LPIN2: variants seen among roughly 807,000 people sequenced by gnomAD.
LPIN2 encodes the protein lipin 2.
In LPIN2, 55 loss-of-function variants were observed where a neutral mutation model predicts 111.4. The ratio of observed to expected loss-of-function variants is 0.49; its 90% CI spans 0.40 to 0.62. The LOEUF is 0.62. Ranked by LOEUF, LPIN2 falls within the 20% of genes least tolerant of loss-of-function variation. The pLI is 0.00. For synonymous variants in LPIN2, 425 were observed against 414.0 expected (o/e 1.03, Z -0.32); for missense variants, 992 against 1,112.1 (o/e 0.89, Z 1.54).
intron 4 of LPIN2, chr18:2,950,653 C>A (rs558281810): frequency 3.9e-6 from 1 of 255,972 alleles, no homozygotes; most frequent in South Asian, 5.0e-5. Context: ...CATTCCTTTT[C>A]AATTCCAATA....
intron 1 of LPIN2, chr18:2,978,879 A>G (rs2078062650): frequency 6.6e-6 from 1 of 152,210 alleles, no homozygotes; most frequent in African/African-American, 2.4e-5. Context: ...TGATCAGGCC[A>G]CCCCATCTGC....
Position 2,937,863 on chromosome 18 carries a change from C to G in LPIN2, c.997G>C (p.Gly333Arg), listed in dbSNP as rs531715581. Reference sequence around the variant, plus strand: ...GATGTTGGGTCGCTCATCTGTGTACCCAGGGCTCTGGGTTTGGGCTTCACT... The same window carrying G: ...GATGTTGGGTCGCTCATCTGTGTACGCAGGGCTCTGGGTTTGGGCTTCACT... ...TIVKPKPRALGTQMSDPTSVA... is the reference protein window; with the variant it reads ...TIVKPKPRALRTQMSDPTSVA... The change falls in exon 7 of 20, where the codon GGT (glycine) becomes CGT (arginine). Residue 333 changes from glycine to arginine, a missense_variant. Physicochemically the swap from Gly to Arg is moderately radical, Grantham distance 125. Transcript: ENST00000677752. 3 of 1,614,036 alleles carry G rather than the reference C, an allele frequency of 1.9e-6. No individual in the cohort carries two copies. The African/African-American group carries it at 4.0e-5, about 22-fold the overall frequency.
chr18:2,921,636 T>C lies in LPIN2; in HGVS notation c.2339A>G (p.Glu780Gly), dbSNP rs1455087496. The change falls in exon 18 of 20, where the codon GAA (glutamate) becomes GGA (glycine). Residue 780 changes from glutamate (E) to glycine (G), a missense_variant. By Grantham distance (98) the Glu-to-Gly change is moderately conservative. Around this residue, in one of 4 missense-constraint regions of LPIN2, gnomAD observed 185 missense variants for 186.5 expected, o/e 0.99. Coordinates refer to ENST00000677752, the MANE Select transcript of LPIN2 (RefSeq NM_001375808.2). ...AATTTTGAACTTCTCTGGTTTCTTT[T>C]CTATCACTTCTCTAAGAAAAAAATA... Reference protein sequence around the residue: ...LFSAFHREVIEKKPEKFKIEC... With the variant: ...LFSAFHREVIGKKPEKFKIEC... 1 of 1,600,922 alleles carries C rather than the reference T, an allele frequency of 6.2e-7. No homozygotes were observed. Among genetic ancestry groups the C allele is most frequent in the Non-Finnish European group, 8.6e-7 (1 of 1,168,090 alleles).
chr18:2,996,447 C>G (rs951745862), intron 1 of LPIN2, among the ~76,000 whole-genome samples: 6 of 149,478 alleles, frequency 4.0e-5, no homozygotes, highest in African/African-American at 1.5e-4. Context: ...TGACTACATG[C>G]TTACCTCCCA....
intron 4 of LPIN2, chr18:2,946,449 C>T (rs770530654): frequency 8.1e-5 from 117 of 1,436,226 alleles, no homozygotes; most frequent in Non-Finnish European, 6.4e-5. Context: ...AAGACTGGAA[C>T]GCCTGGGTGA....
intron 7 of LPIN2, among the ~76,000 whole-genome samples, chr18:2,936,769 A>C (rs1282846461): frequency 6.6e-6 from 1 of 152,078 alleles, no homozygotes; most frequent in African/African-American, 2.4e-5. Context: ...TGATAGAGAC[A>C]GGGTTTCACT....
intron 1 of LPIN2, among the ~76,000 whole-genome samples, chr18:2,989,415 T>C (rs535868655): frequency 6.6e-5 from 10 of 151,762 alleles, no homozygotes; most frequent in Non-Finnish European, 1.3e-4. Flanking sequence ...CCTCAGTAAA[T>C]AGAAAGACAT....
chr18:2,922,284 CTT>C, intron 16 of LPIN2, 85 bp from the exon 17 acceptor site: 3 of 1,499,600 alleles, frequency 2.0e-6, no homozygotes, highest in Non-Finnish European at 2.7e-6. Context: ...CCACACTTTT[CTT>C]TCTTTTTTTT....
chr18:2,980,670 G>A (rs1388771140), intron 1 of LPIN2, among the ~76,000 whole-genome samples: 1 of 152,188 alleles, frequency 6.6e-6, no homozygotes, highest in Non-Finnish European at 1.5e-5. Flanking sequence ...TGCCCTCAGG[G>A]CTTCCTGGAG....
chr18:2,956,036 T>A (rs896273608), intron 2 of LPIN2, among the ~76,000 whole-genome samples: 1 of 152,218 alleles, frequency 6.6e-6, no homozygotes, highest in Admixed American at 6.5e-5. Context: ...GTATTTTGAC[T>A]TGTATTATAA....
intron 1 of LPIN2, chr18:2,982,597 C>T (rs2078127929): frequency 1.7e-6 from 1 of 577,548 alleles, no homozygotes; most frequent in African/African-American, 2.0e-5. Flanking sequence ...GATGCCATCC[C>T]CTTGTCTCTC....
At position 2,929,123 on chromosome 18, in the gene LPIN2, A is replaced by G. The variant is rs876660986; in HGVS notation, c.1492T>C (p.Phe498Leu). The G allele has an allele frequency of 1.2e-6, 2 of 1,608,510 alleles. No individual in the cohort carries two copies. Among genetic ancestry groups the G allele is most frequent in the Non-Finnish European group, 1.7e-6 (2 of 1,175,220 alleles). The change falls in exon 10 of 20, where the codon TTT becomes CTT. Residue 498 changes from phenylalanine (F) to leucine (L), a missense_variant. This residue lies in a region of LPIN2 where 709 missense variants were observed against 753.2 expected (regional missense o/e 0.94). Coordinates refer to ENST00000677752, the MANE Select transcript of LPIN2 (RefSeq NM_001375808.2). ...TCTATAAGTCCAGGGTTTTCTGCAA[A>G]TTCGTGATAAGTAATGATATGCTCC... ...FMEHIITYHEFAENPGLIDNP... is the reference protein window; with the variant it reads ...FMEHIITYHELAENPGLIDNP...
intron 1 of LPIN2, among the ~76,000 whole-genome samples, chr18:2,987,860 G>GA (rs1475092687): frequency 6.6e-5 from 10 of 151,978 alleles, no homozygotes; most frequent in African/African-American, 2.2e-4. Context: ...CCAACACAGT[G>GA]AAACCTCATC....
At chr18:3,012,653 G>GGCGGGATGGAGAC (rs1481832934) in intron 1 of LPIN2, among the ~76,000 whole-genome samples, 1 of 152,310 alleles carries the variant, frequency 6.6e-6, no homozygotes, top group Admixed American at 6.5e-5. Flanking sequence ...CAGGGCCGGG[G>GGCGGGATGGAGAC]GCGGGATGGA....
chr18:2,949,934 A>G (rs2143093278), intron 4 of LPIN2, among the ~76,000 whole-genome samples: 1 of 152,220 alleles, frequency 6.6e-6, no homozygotes, highest in African/African-American at 2.4e-5. Flanking sequence ...CCTCAACTCT[A>G]CAGAAAATTT....
rs182512879 is a variant in LPIN2, at chr18:2,929,367, C to T, written c.1457-209G>A. Among the ~76,000 whole-genome samples, 7 of 152,304 alleles carry T rather than the reference C, an allele frequency of 4.6e-5. No homozygotes were observed. The East Asian group carries it at 1.2e-3, about 25-fold the overall frequency. On this transcript the variant is annotated intron_variant, in intron 9 of 19. Transcript: ENST00000677752. The stretch of plus-strand genomic sequence containing the variant: ...CTTTTCTATTCTCCTTTTCCACTGT[C>T]TCCCAGTGAAAACAAACAAACTAGT...
intron 13 of LPIN2, 40 bp downstream of exon 13, chr18:2,926,683 G>A (rs780261166): frequency 1.3e-6 from 2 of 1,571,518 alleles, no homozygotes; most frequent in Non-Finnish European, 1.7e-6. Flanking sequence ...CTGCTAGAGG[G>A]CCTGAGTGCT....
At position 2,959,577 on chromosome 18, in the gene LPIN2, T is replaced by C. The variant is rs74705573; in HGVS notation, c.192+1072A>G. Among the ~76,000 whole-genome samples, 947 of 152,338 alleles carry C rather than the reference T, an allele frequency of 6.2e-3. 6 individuals are homozygous for C. Among genetic ancestry groups the C allele is most frequent in the African/African-American group, 0.021 (885 of 41,578 alleles). On this transcript the variant is annotated intron_variant, in intron 2 of 19. Transcript: ENST00000677752. ...GAATAGAAAGAGAAATCTGTGTACC[T>C]GCCAAGTGTTATTACTAGCTCTGTT... is the stretch of plus-strand genomic sequence containing the variant.
At chr18:2,937,411 G>A (rs932413289) in intron 7 of LPIN2, among the ~76,000 whole-genome samples, 3 of 151,830 alleles carry the variant, frequency 2.0e-5, no homozygotes, top group Non-Finnish European at 2.9e-5. Flanking sequence ...CGGGGATGGT[G>A]GTGTGTGCCT....
Sources: allele counts gnomAD v4.1 joint callset (sites outside exome capture counted in the v4.1 genomes callset), GRCh38; gene constraint gnomAD v4.1.1; regional missense constraint gnomAD v4.1.1; transcripts MANE v1.5; gene names NCBI Gene and HGNC (gene_info 2026-07-23, HGNC 2026-07-21).